TAFA1: variants seen among roughly 807,000 people sequenced by gnomAD.
TAFA1 encodes the protein TAFA chemokine like family member 1.
In TAFA1, 4 loss-of-function variants were observed where a neutral mutation model predicts 18.5. That is an observed-to-expected ratio of 0.22 (90% confidence interval 0.11 to 0.49). The LOEUF (loss-of-function observed/expected upper bound fraction) is 0.49, where lower values mean the gene tolerates loss of function less well. Ranked by LOEUF, TAFA1 falls within the 20% of genes least tolerant of loss-of-function variation. TAFA1 has a pLI of 0.98. For synonymous variants in TAFA1, 56 were observed against 55.2 expected (o/e 1.01, Z -0.06); for missense variants, 147 against 169.0 (o/e 0.87, Z 0.72).
chr3:68,505,091 T>C (rs1364349923), intron 3 of TAFA1, among the ~76,000 whole-genome samples: 1 of 152,124 alleles, frequency 6.6e-6, no homozygotes, highest in Non-Finnish European at 1.5e-5. Flanking sequence ...CTCCTGAGTA[T>C]GTAAAACTGC....
intron 2 of TAFA1, among the ~76,000 whole-genome samples, chr3:68,237,138 A>G (rs578132224): frequency 6.6e-6 from 1 of 152,324 alleles, no homozygotes; most frequent in Admixed American, 6.5e-5. Flanking sequence ...GTATTTCTCA[A>G]GGTTCTGGAG....
At chr3:68,251,839 T>C (rs993887696) in intron 2 of TAFA1, among the ~76,000 whole-genome samples, 3 of 152,166 alleles carry the variant, frequency 2.0e-5, no homozygotes. Flanking sequence ...TGATCAGCCA[T>C]ATGTAGGTGC....
At position 68,113,905 on chromosome 3, in the gene TAFA1, T is replaced by G. The variant is rs1053311400; in HGVS notation, c.118+107161T>G. On this transcript the variant is annotated intron_variant, in intron 2 of 4. Coordinates refer to ENST00000478136, the MANE Select transcript of TAFA1 (RefSeq NM_213609.4). ...GGGGTGTAGTTTTTTTTGTTTTTTTTTTTTTTTTTTTTTTTATGAGACAGA... is the reference window on the plus strand; with the variant it reads ...GGGGTGTAGTTTTTTTTGTTTTTTTGTTTTTTTTTTTTTTTATGAGACAGA... 2.2e-3 allele frequency among the ~76,000 whole-genome samples: 312 copies of G among 144,068 alleles called. 2 individuals carry two copies. The highest frequency in any genetic ancestry group is 7.7e-3 in the African/African-American group (301 of 39,166). 94.5% of individuals were successfully genotyped at this position (144,068 alleles called of 152,430 possible). A position where few individuals can be genotyped will look rare whatever the true frequency, so the allele number is the denominator to read the frequency against.
chr3:68,314,541 T>C lies in TAFA1; in HGVS notation c.119-102739T>C, dbSNP rs918761784. 3.3e-5 allele frequency among the ~76,000 whole-genome samples: 5 copies of C among 152,224 alleles called. No individual in the cohort carries two copies. In the South Asian group the frequency reaches 6.2e-4, roughly 19 times the overall value. On this transcript the variant is annotated intron_variant, in intron 2 of 4. Coordinates refer to ENST00000478136, the MANE Select transcript of TAFA1 (RefSeq NM_213609.4). ...CAAATTTTTCTTTTGATGGGATTGC[T>C]TTTTGACAAAGTATCACTATATAGT...
At chr3:68,387,333 G>A (rs183121920) in intron 2 of TAFA1, among the ~76,000 whole-genome samples, 9 of 152,202 alleles carry the variant, frequency 5.9e-5, no homozygotes, top group Admixed American at 5.9e-4. Flanking sequence ...AAGACACTAA[G>A]GAAGAGATTA....
chr3:68,358,371 A>C (rs2069403742), intron 2 of TAFA1, among the ~76,000 whole-genome samples: 1 of 151,894 alleles, frequency 6.6e-6, no homozygotes, highest in South Asian at 2.1e-4. Context: ...TTCTGTACTA[A>C]GATATTTACA....
chr3:68,326,506 C>T (rs1161478387), intron 2 of TAFA1, among the ~76,000 whole-genome samples: 3 of 152,134 alleles, frequency 2.0e-5, no homozygotes, highest in Non-Finnish European at 4.4e-5. Context: ...ACATGTTGAC[C>T]TGAGAGTTTG....
chr3:68,523,397 T>C (rs1382587495), intron 3 of TAFA1, among the ~76,000 whole-genome samples: 1 of 152,218 alleles, frequency 6.6e-6, no homozygotes, highest in Non-Finnish European at 1.5e-5. Context: ...TTTAAGCACA[T>C]AAGCTGCCAA....
intron 2 of TAFA1, chr3:68,192,515 A>G (rs971283897): frequency 5.4e-6 from 1 of 185,328 alleles, no homozygotes; most frequent in Admixed American, 5.1e-5. Flanking sequence ...ATGGAATCTG[A>G]ATTTGACAGG....
In TAFA1 at chr3:68,538,851, G is replaced by A. The variant is rs372722058; in HGVS notation, c.355G>A (p.Ala119Thr). 51 of 1,613,354 alleles carry A rather than the reference G, an allele frequency of 3.2e-5. No individual in the cohort carries two copies. Among genetic ancestry groups the A allele is most frequent in the Middle Eastern group, 3.3e-4 (2 of 6,076 alleles). The change falls in exon 4 of 5, where the codon GCA becomes ACA. Residue 119 changes from alanine (A) to threonine (T), a missense_variant. Ala to Thr is a moderately conservative substitution (Grantham distance 58). Coordinates refer to ENST00000478136, the MANE Select transcript of TAFA1 (RefSeq NM_213609.4). ...CCCTGACAATTCTGGATGGATGTGC[G>A]CAACAGGCAACAAAATTAAGACCAC... ...TLPDNSGWMC[A>T]TGNKIKTTRI...
intron 2 of TAFA1, among the ~76,000 whole-genome samples, chr3:68,050,485 C>T (rs1027362837): frequency 3.9e-5 from 6 of 152,092 alleles, no homozygotes; most frequent in East Asian, 1.9e-4. Flanking sequence ...TGCTATGGCA[C>T]GTAATGATAC....
chr3:68,046,991 T>C (rs2106692599), intron 2 of TAFA1, among the ~76,000 whole-genome samples: 1 of 152,346 alleles, frequency 6.6e-6, no homozygotes, highest in East Asian at 1.9e-4. Flanking sequence ...GCAAGCACTG[T>C]GTTTAATATT....
chr3:68,167,187 G>C (rs989621174), intron 2 of TAFA1, among the ~76,000 whole-genome samples: 1 of 152,118 alleles, frequency 6.6e-6, no homozygotes, highest in Non-Finnish European at 1.5e-5. Flanking sequence ...TGAAAATGTG[G>C]GATGTTTCCT....
intron 2 of TAFA1, among the ~76,000 whole-genome samples, chr3:68,366,042 C>T (rs990029960): frequency 2.0e-5 from 3 of 148,966 alleles, no homozygotes; most frequent in Non-Finnish European, 3.0e-5. Context: ...GCCGAGATTG[C>T]ACCACCGCAC....
intron 2 of TAFA1, among the ~76,000 whole-genome samples, chr3:68,175,954 A>T (rs901784844): frequency 1.3e-5 from 2 of 152,092 alleles, no homozygotes; most frequent in Non-Finnish European, 2.9e-5. Flanking sequence ...TTTTCTTGTG[A>T]TAGTGAATAT....
chr3:68,522,362 T>G (rs2073041310), intron 3 of TAFA1, among the ~76,000 whole-genome samples: 1 of 152,160 alleles, frequency 6.6e-6, no homozygotes, highest in South Asian at 2.1e-4. Flanking sequence ...GATGGGCCAG[T>G]GGAAGGAGAG....
At chr3:68,442,370 C>T (rs998596345) in intron 3 of TAFA1, among the ~76,000 whole-genome samples, 1 of 152,096 alleles carries the variant, frequency 6.6e-6, no homozygotes, top group Non-Finnish European at 1.5e-5. Context: ...TCCTCTTCTT[C>T]TAAGGCCATC....
chr3:68,022,418 A>G (rs888918329), intron 2 of TAFA1, among the ~76,000 whole-genome samples: 1 of 152,102 alleles, frequency 6.6e-6, no homozygotes, highest in Non-Finnish European at 1.5e-5. Context: ...TCTTTCTACT[A>G]TGGCCCCTGG....
Position 68,417,271 on chromosome 3 carries a change from T to G in TAFA1, c.119-9T>G. The G allele has an allele frequency of 6.2e-7, 1 of 1,612,494 alleles. No individual in the cohort carries two copies. The highest frequency in any genetic ancestry group is 1.7e-5 in the Admixed American group (1 of 59,930). On this transcript the variant is annotated splice_polypyrimidine_tract_variant and intron_variant, in intron 2 of 4. Transcript: ENST00000478136. ...CTAATCAGTGTCCCTGTTCTTTCTC[T>G]CTTGCCAGAAGGAGGGACGTGTGAA... is the stretch of plus-strand genomic sequence containing the variant.
Sources: gnomAD v4.1 joint callset for allele counts (sites outside exome capture counted in the v4.1 genomes callset) on GRCh38, gnomAD v4.1.1 for gene constraint, MANE v1.5 for transcripts, NCBI Gene and HGNC (gene_info 2026-07-23, HGNC 2026-07-21) for gene names.